Variants in NALF1 observed in about 807,000 individuals in gnomAD.
The protein encoded by NALF1 is family with sequence similarity 155 member A.
Under a neutral mutation model 48.4 loss-of-function variants are expected in NALF1, and 3 were observed. The ratio of observed to expected loss-of-function variants is 0.06; its 90% confidence interval spans 0.03 to 0.16. The LOEUF is 0.16. Ranked by LOEUF, NALF1 falls within the 10% of genes least tolerant of loss-of-function variation. The pLI, the probability that NALF1 is intolerant of heterozygous loss-of-function variation, is 1.00. For synonymous variants in NALF1, 262 were observed against 245.7 expected, an observed-to-expected ratio of 1.07 and a Z score of -0.62; for missense variants, 526 against 571.5, an observed-to-expected ratio of 0.92 and a Z score of 0.81.
intron 1 of NALF1, among the ~76,000 whole-genome samples, chr13:107,622,656 T>C (rs1319241809): frequency 9.9e-5 from 15 of 152,188 alleles, no homozygotes. Context: ...TCTGCTCAGA[T>C]GGGAAATTTA....
At chr13:107,676,351 G>A (rs7333316) in intron 1 of NALF1, among the ~76,000 whole-genome samples, 2,742 of 152,280 alleles carry the variant, frequency 0.018, 61 homozygotes, top group African/African-American at 0.046. Flanking sequence ...TTTGATCTTT[G>A]GAGAGTCTAG....
intron 1 of NALF1, among the ~76,000 whole-genome samples, chr13:107,683,016 A>C (rs938537673): frequency 7.9e-5 from 12 of 152,216 alleles, no homozygotes; most frequent in African/African-American, 2.9e-4. Context: ...TAATCCCAGC[A>C]CTTTGGGAGG....
Position 107,168,254 on chromosome 13 carries a change from C to G in NALF1, c.*2243G>C, listed in dbSNP as rs1431954245. 2 of 152,254 alleles carry G rather than the reference C, an allele frequency of 1.3e-5. No individual in the cohort carries two copies. The highest frequency in any genetic ancestry group is 4.8e-5 in the African/African-American group (2 of 41,444). The allele number at this position is 152,254 out of a possible 1,614,324, so 9.4% of individuals were successfully genotyped here. On this transcript the variant is annotated 3_prime_UTR_variant, in exon 3 of 3. Coordinates refer to ENST00000375915, the MANE Select transcript of NALF1 (RefSeq NM_001080396.3). ...CAGGAATCACTTGCAGCCTCAATTC[C>G]TCTGCTTCTCGTCCCCCCAGCGCCA...
At chr13:107,707,377 CT>C (rs1301538725) in intron 1 of NALF1, among the ~76,000 whole-genome samples, 2 of 152,120 alleles carry the variant, frequency 1.3e-5, no homozygotes, top group African/African-American at 4.8e-5. Context: ...TGCAATAGGA[CT>C]TTTAAAATTG....
At chr13:107,452,929 C>T (rs553555405) in intron 1 of NALF1, among the ~76,000 whole-genome samples, 44 of 152,288 alleles carry the variant, frequency 2.9e-4, no homozygotes, top group Admixed American at 2.7e-3. Context: ...TCCAATAGGG[C>T]AGTAATGAAA....
chr13:107,387,040 C>G (rs1205922943), intron 1 of NALF1, among the ~76,000 whole-genome samples: 2 of 152,144 alleles, frequency 1.3e-5, no homozygotes, highest in African/African-American at 4.8e-5. Flanking sequence ...CAACAAAACA[C>G]AAACCTTTCC....
intron 1 of NALF1, among the ~76,000 whole-genome samples, chr13:107,733,830 A>G (rs916435467): frequency 6.6e-6 from 1 of 152,188 alleles, no homozygotes; most frequent in African/African-American, 2.4e-5. Flanking sequence ...AGAGGAAAGC[A>G]TAAGAACAGA....
intron 1 of NALF1, among the ~76,000 whole-genome samples, chr13:107,337,075 AAAT>A (rs1185506541): frequency 3.3e-4 from 44 of 132,440 alleles, no homozygotes; most frequent in South Asian, 9.5e-4. Flanking sequence ...AAAAAAAAAA[AAAT>A]GTCAGAAGAA....
intron 1 of NALF1, among the ~76,000 whole-genome samples, chr13:107,231,478 T>C (rs548142672): frequency 6.6e-6 from 1 of 152,306 alleles, no homozygotes; most frequent in African/African-American, 2.4e-5. Context: ...CTATTTGAAG[T>C]TGCATTACCT....
Position 107,686,727 on chromosome 13 carries a change from G to T in NALF1, c.915+178955C>A, listed in dbSNP as rs1881441345. ...TCAATATAACAATCATCAAAGAAATGCAAGTTACAACCACAATGAGATATC... is the reference window on the plus strand; with the variant it reads ...TCAATATAACAATCATCAAAGAAATTCAAGTTACAACCACAATGAGATATC... On this transcript the variant is annotated intron_variant, in intron 1 of 2. Coordinates refer to ENST00000375915, the MANE Select transcript of NALF1 (RefSeq NM_001080396.3). Among the ~76,000 whole-genome samples, 7 of 142,860 alleles carry T rather than the reference G, an allele frequency of 4.9e-5. No individual in the cohort carries two copies. The South Asian group carries it at 1.6e-3, about 32-fold the overall frequency. 93.7% of individuals were successfully genotyped at this position (142,860 alleles called of 152,430 possible).
intron 1 of NALF1, among the ~76,000 whole-genome samples, chr13:107,673,290 A>C (rs1452764885): frequency 6.6e-6 from 1 of 152,180 alleles, no homozygotes; most frequent in Non-Finnish European, 1.5e-5. Flanking sequence ...AGTAGAGGAA[A>C]ATAAACAACC....
intron 1 of NALF1, among the ~76,000 whole-genome samples, chr13:107,402,966 T>G (rs1386437600): frequency 6.6e-6 from 1 of 152,048 alleles, no homozygotes; most frequent in African/African-American, 2.4e-5. Context: ...ATCTATTACC[T>G]CAGCAATAGA....
intron 1 of NALF1, among the ~76,000 whole-genome samples, chr13:107,714,187 A>AATCT (rs1207185853): frequency 2.0e-5 from 3 of 152,238 alleles, no homozygotes; most frequent in African/African-American, 7.2e-5. Context: ...TGATATAAAG[A>AATCT]ATCTTTTTCA....
At chr13:107,662,331 G>A (rs530701180) in intron 1 of NALF1, among the ~76,000 whole-genome samples, 1 of 152,172 alleles carries the variant, frequency 6.6e-6, no homozygotes, top group African/African-American at 2.4e-5. Flanking sequence ...AGAACTCATT[G>A]TTTCCAGGAC....
intron 1 of NALF1, among the ~76,000 whole-genome samples, chr13:107,436,347 A>C (rs1157129427): frequency 6.6e-6 from 1 of 152,222 alleles, no homozygotes; most frequent in Non-Finnish European, 1.5e-5. Context: ...ATGTATTAAA[A>C]GGGTAACCAT....
intron 1 of NALF1, among the ~76,000 whole-genome samples, chr13:107,387,991 C>A (rs1208067812): frequency 1.3e-5 from 2 of 152,190 alleles, no homozygotes; most frequent in African/African-American, 2.4e-5. Flanking sequence ...CCTCACTGTA[C>A]ACCTGTGTAG....
chr13:107,719,866 T>C (rs1875932284), intron 1 of NALF1, among the ~76,000 whole-genome samples: 2 of 152,162 alleles, frequency 1.3e-5, no homozygotes, highest in African/African-American at 4.8e-5. Flanking sequence ...CTTGCCGAAC[T>C]TCATTGCAAA....
At chr13:107,805,740 T>C (rs114824699) in intron 1 of NALF1, among the ~76,000 whole-genome samples, 2,568 of 152,246 alleles carry the variant, frequency 0.017, 80 homozygotes, top group African/African-American at 0.059. Flanking sequence ...CAGAAATAAA[T>C]TATTTTCTAC....
chr13:107,702,196 A>C (rs1439990175), intron 1 of NALF1, among the ~76,000 whole-genome samples: 1 of 152,280 alleles, frequency 6.6e-6, no homozygotes, highest in Non-Finnish European at 1.5e-5. Flanking sequence ...CCTTTCACTT[A>C]TTATTTGAGT....
Sources: allele counts gnomAD v4.1 joint callset (sites outside exome capture counted in the v4.1 genomes callset), GRCh38; gene constraint gnomAD v4.1.1; transcripts MANE v1.5; gene names NCBI Gene and HGNC (gene_info 2026-07-23, HGNC 2026-07-21).